The following PCDH15 variants were observed in gnomAD, a reference collection of about 807,000 sequenced individuals.
The protein encoded by PCDH15 is protocadherin-15.
In PCDH15, 129 loss-of-function variants were observed where a neutral mutation model predicts 178.5. The observed-to-expected ratio is 0.72, with a 90% CI of 0.63 to 0.84. PCDH15 has a LOEUF of 0.84. Among genes scored for constraint, PCDH15 ranks in the 40% least tolerant of loss-of-function variants. PCDH15 has a pLI of 0.00. For missense variants in PCDH15, 2,230 were observed against 2,099.9 expected, an observed-to-expected ratio of 1.06 and a Z score of -1.21; for synonymous variants, 800 against 732.0, an observed-to-expected ratio of 1.09 and a Z score of -1.50.
At chr10:54,046,327 A>G (rs1457182221) in intron 18 of PCDH15, among the ~76,000 whole-genome samples, 2 of 152,228 alleles carry the variant, frequency 1.3e-5, no homozygotes, top group Non-Finnish European at 2.9e-5. Flanking sequence ...GAGCGCCAGG[A>G]GAAATGATAT....
At chr10:54,340,792 T>C (rs748893640) in intron 6 of PCDH15, among the ~76,000 whole-genome samples, 2 of 152,142 alleles carry the variant, frequency 1.3e-5, no homozygotes, top group African/African-American at 2.4e-5. Context: ...GGGCAGGCTG[T>C]CCACATGCAC....
At chr10:54,880,648 T>C (rs1176830138) in intron 3 of PCDH15, among the ~76,000 whole-genome samples, 1 of 151,584 alleles carries the variant, frequency 6.6e-6, no homozygotes, top group Non-Finnish European at 1.5e-5. Flanking sequence ...TTAGTTGGAA[T>C]GAAAACTGAC....
At chr10:54,332,073 C>T (rs1939722945) in intron 6 of PCDH15, among the ~76,000 whole-genome samples, 1 of 150,478 alleles carries the variant, frequency 6.6e-6, no homozygotes, top group Admixed American at 6.8e-5. Flanking sequence ...AAATAGCTAA[C>T]ATGCTAGTGA....
At chr10:55,501,432 G>T (rs973436021) in intron 2 of PCDH15, among the ~76,000 whole-genome samples, 2 of 151,516 alleles carry the variant, frequency 1.3e-5, no homozygotes, top group African/African-American at 4.8e-5. Flanking sequence ...TCAAATAATA[G>T]CATTGGATAG....
At chr10:54,103,518 G>T (rs2094850772) in intron 15 of PCDH15, among the ~76,000 whole-genome samples, 1 of 152,140 alleles carries the variant, frequency 6.6e-6, no homozygotes, top group Non-Finnish European at 1.5e-5. Flanking sequence ...AAAGATGCAG[G>T]TGCTGCCCTC....
At chr10:55,256,036 C>T (rs1169569619) in intron 1 of PCDH15, among the ~76,000 whole-genome samples, 2 of 152,072 alleles carry the variant, frequency 1.3e-5, no homozygotes, top group East Asian at 3.9e-4. Flanking sequence ...TGCCTATGTC[C>T]TGAATGGTAT....
At chr10:53,872,200 A>C (rs923286094) in intron 26 of PCDH15, among the ~76,000 whole-genome samples, 2 of 152,156 alleles carry the variant, frequency 1.3e-5, no homozygotes, top group African/African-American at 4.8e-5. Context: ...TTGAGATGAC[A>C]CATCCAGCAA....
intron 3 of PCDH15, among the ~76,000 whole-genome samples, chr10:54,441,617 A>G (rs1277891361): frequency 1.3e-5 from 2 of 151,928 alleles, no homozygotes; most frequent in Non-Finnish European, 2.9e-5. Flanking sequence ...GAATTCATTG[A>G]GATAAACTAA....
At chr10:55,561,563 A>G (rs1842200923) in intron 2 of PCDH15, among the ~76,000 whole-genome samples, 1 of 151,908 alleles carries the variant, frequency 6.6e-6, no homozygotes. Context: ...AGGGCTGATG[A>G]TAAGATGTTC....
chr10:54,046,320 C>T (rs976850420), intron 18 of PCDH15, among the ~76,000 whole-genome samples: 14 of 152,062 alleles, frequency 9.2e-5, no homozygotes, highest in Middle Eastern at 3.2e-3. Flanking sequence ...GGCACATGAG[C>T]GCCAGGAGAA....
At position 53,952,654 on chromosome 10, in the gene PCDH15, C is replaced by G. The variant is rs542189666; in HGVS notation, c.3122+7078G>C. 3.9e-5 allele frequency among the ~76,000 whole-genome samples: 6 copies of G among 152,292 alleles called. No individual in the cohort carries two copies. The East Asian group carries it at 1.2e-3, about 29-fold the overall frequency. On this transcript the variant is annotated intron_variant, in intron 23 of 37. Transcript: ENST00000644397. The stretch of plus-strand genomic sequence containing the variant: ...GCTAGAAGGTGGGGTTTCACCAGAC[C>G]CATCCCTTTCCACCCAGGAGCCTGT...
At chr10:54,049,968 TATTTTGTTGAAG>T (rs1264539295) in intron 18 of PCDH15, among the ~76,000 whole-genome samples, 1 of 152,140 alleles carries the variant, frequency 6.6e-6, no homozygotes, top group Non-Finnish European at 1.5e-5. Flanking sequence ...AGTTAGGTAG[TATTTTGTTGAAG>T]ATTTTTATGT....
chr10:55,463,721 A>T (rs546027274), intron 2 of PCDH15, among the ~76,000 whole-genome samples: 16 of 151,870 alleles, frequency 1.1e-4, no homozygotes, highest in Non-Finnish European at 2.2e-4. Flanking sequence ...ACATTTTTCA[A>T]CTGCGTCAAA....
At chr10:55,326,769 G>T (rs1844041629) in intron 2 of PCDH15, among the ~76,000 whole-genome samples, 1 of 151,634 alleles carries the variant, frequency 6.6e-6, no homozygotes, top group Non-Finnish European at 1.5e-5. Flanking sequence ...ATCCACAAAG[G>T]TATACTGTAA....
chr10:53,808,849 C>CT (rs34535738), intron 37 of PCDH15: 1 of 1,609,226 alleles, frequency 6.2e-7, no homozygotes, highest in African/African-American at 1.3e-5. Flanking sequence ...TTCCTCCTCA[C>CT]TTTCCACACC....
At chr10:55,181,243 A>G (rs746657504) in intron 1 of PCDH15, among the ~76,000 whole-genome samples, 2 of 152,040 alleles carry the variant, frequency 1.3e-5, no homozygotes, top group African/African-American at 2.4e-5. Flanking sequence ...TTTGGCCAGC[A>G]TATTATAATT....
chr10:55,215,599 T>C (rs1432323812), intron 1 of PCDH15, among the ~76,000 whole-genome samples: 2 of 152,058 alleles, frequency 1.3e-5, no homozygotes, highest in East Asian at 1.9e-4. Context: ...AATGAAATAT[T>C]GCATCACTTT....
chr10:54,440,340 C>A (rs2075722229), intron 3 of PCDH15, among the ~76,000 whole-genome samples: 1 of 151,892 alleles, frequency 6.6e-6, no homozygotes, highest in Non-Finnish European at 1.5e-5. Context: ...GTTTTTTAAT[C>A]CTCAAAAATT....
chr10:54,793,673 T>C (rs528471374), intron 1 of PCDH15, among the ~76,000 whole-genome samples: 3 of 148,654 alleles, frequency 2.0e-5, no homozygotes, highest in Admixed American at 6.8e-5. Flanking sequence ...TATATACATA[T>C]ATACACACAT....
Sources: gnomAD v4.1 joint callset for allele counts (sites outside exome capture counted in the v4.1 genomes callset) on GRCh38, gnomAD v4.1.1 for gene constraint, MANE v1.5 for transcripts, NCBI Gene and HGNC (gene_info 2026-07-23, HGNC 2026-07-21) for gene names.